Variants in PAK5 observed in about 807,000 individuals in gnomAD.
The protein encoded by PAK5 is p21 (RAC1) activated kinase 5.
PAK5 carries 16 observed loss-of-function variants against 65.9 expected under a neutral mutation model. That is an observed-to-expected ratio of 0.24 (90% CI 0.16 to 0.37). The LOEUF is 0.37. Among genes scored for constraint, PAK5 ranks in the 10% least tolerant of loss-of-function variants. The pLI, the probability that PAK5 is intolerant of heterozygous loss-of-function variation, is 1.00. For synonymous variants in PAK5, 371 were observed against 354.9 expected, an observed-to-expected ratio of 1.05 and a Z score of -0.51; for missense variants, 785 against 903.9, an observed-to-expected ratio of 0.87 and a Z score of 1.69.
intron 3 of PAK5, among the ~76,000 whole-genome samples, chr20:9,643,412 T>C (rs2047094277): frequency 6.6e-6 from 1 of 152,250 alleles, no homozygotes; most frequent in Non-Finnish European, 1.5e-5. Flanking sequence ...GTCTGCTTTC[T>C]GCTTACATGT....
chr20:9,629,081 T>C (rs1218674190), intron 3 of PAK5, among the ~76,000 whole-genome samples: 2 of 152,092 alleles, frequency 1.3e-5, no homozygotes, highest in African/African-American at 4.8e-5. Context: ...TGTAAGGAAA[T>C]GAATTTTGCG....
intron 3 of PAK5, among the ~76,000 whole-genome samples, chr20:9,589,236 T>A (rs922618689): frequency 1.3e-5 from 2 of 152,232 alleles, no homozygotes; most frequent in African/African-American, 4.8e-5. Flanking sequence ...TTAAACTGTC[T>A]ATCTAAATTC....
At chr20:9,655,043 T>C (rs1054972313) in intron 2 of PAK5, among the ~76,000 whole-genome samples, 5 of 152,126 alleles carry the variant, frequency 3.3e-5, no homozygotes, top group South Asian at 2.1e-4. Context: ...ATTTCTCTCT[T>C]GGGCTATTAC....
At chr20:9,582,791 T>A (rs967839094) in intron 3 of PAK5, among the ~76,000 whole-genome samples, 3 of 152,158 alleles carry the variant, frequency 2.0e-5, no homozygotes, top group Non-Finnish European at 4.4e-5. Context: ...TTTATTTATA[T>A]ATAAGGATGG....
intron 1 of PAK5, among the ~76,000 whole-genome samples, chr20:9,730,683 G>T (rs770814324): frequency 6.6e-6 from 1 of 152,182 alleles, no homozygotes; most frequent in African/African-American, 2.4e-5. Context: ...GACTCCTGTG[G>T]ATTGAAGGCA....
intron 1 of PAK5, among the ~76,000 whole-genome samples, chr20:9,713,327 A>G (rs991994083): frequency 6.6e-6 from 1 of 152,128 alleles, no homozygotes; most frequent in Non-Finnish European, 1.5e-5. Flanking sequence ...ATCACACTCC[A>G]GTTAGAATGG....
intron 1 of PAK5, among the ~76,000 whole-genome samples, chr20:9,734,527 G>T (rs1404810358): frequency 6.7e-6 from 1 of 148,762 alleles, no homozygotes; most frequent in African/African-American, 2.5e-5. Flanking sequence ...GAGAGAAAAA[G>T]ACTGATAGAC....
At chr20:9,806,946 C>T (rs2049240115) in intron 1 of PAK5, among the ~76,000 whole-genome samples, 1 of 152,050 alleles carries the variant, frequency 6.6e-6, no homozygotes, top group African/African-American at 2.4e-5. Flanking sequence ...GAATCCATTT[C>T]CTTGCCTTCT....
intron 1 of PAK5, among the ~76,000 whole-genome samples, chr20:9,759,724 C>T (rs11908202): frequency 0.012 from 1,891 of 152,162 alleles, 44 homozygotes; most frequent in African/African-American, 0.043. Context: ...AAACCCACAA[C>T]GTTTACCCAA....
At chr20:9,779,042 G>A (rs774182807) in intron 1 of PAK5, among the ~76,000 whole-genome samples, 18 of 151,902 alleles carry the variant, frequency 1.2e-4, no homozygotes, top group African/African-American at 9.7e-5. Flanking sequence ...CAGATTTAGC[G>A]TCTCTTTTTT....
At chr20:9,582,717 T>C (rs2046000838) in intron 3 of PAK5, among the ~76,000 whole-genome samples, 1 of 152,092 alleles carries the variant, frequency 6.6e-6, no homozygotes, top group South Asian at 2.1e-4. Flanking sequence ...CTATATAAAG[T>C]AGTTGGAATT....
intron 2 of PAK5, among the ~76,000 whole-genome samples, chr20:9,685,290 T>G (rs543710302): frequency 1.3e-5 from 2 of 152,314 alleles, no homozygotes; most frequent in South Asian, 4.1e-4. Flanking sequence ...TTTGAAGTCC[T>G]AACTTCCAAG....
At chr20:9,794,222 T>C (rs113548804) in intron 1 of PAK5, among the ~76,000 whole-genome samples, 2,484 of 151,930 alleles carry the variant, frequency 0.016, 68 homozygotes, top group African/African-American at 0.049. Context: ...AGATACCTAA[T>C]GCATGTGGGG....
chr20:9,790,451 A>G (rs1211405706), intron 1 of PAK5, among the ~76,000 whole-genome samples: 1 of 152,084 alleles, frequency 6.6e-6, no homozygotes, highest in East Asian at 1.9e-4. Context: ...GGCTGGGGAC[A>G]TTACACAAAG....
At chr20:9,792,945 T>C (rs529855539) in intron 1 of PAK5, among the ~76,000 whole-genome samples, 16 of 152,272 alleles carry the variant, frequency 1.1e-4, no homozygotes, top group South Asian at 8.3e-4. Context: ...GATGCTCGTT[T>C]AGAGAAAAGG....
intron 1 of PAK5, among the ~76,000 whole-genome samples, chr20:9,796,222 T>C (rs1049823657): frequency 1.3e-5 from 2 of 152,066 alleles, no homozygotes; most frequent in African/African-American, 4.8e-5. Context: ...AAAATGAACA[T>C]ATCATTTCAA....
chr20:9,674,168 G>A (rs1457633728), intron 2 of PAK5, among the ~76,000 whole-genome samples: 1 of 152,204 alleles, frequency 6.6e-6, no homozygotes, highest in Non-Finnish European at 1.5e-5. Flanking sequence ...CGGCCTTGCT[G>A]AAGGGAGTAA....
chr20:9,745,153 C>G (rs554652814), intron 1 of PAK5, among the ~76,000 whole-genome samples: 1 of 152,178 alleles, frequency 6.6e-6, no homozygotes, highest in East Asian at 1.9e-4. Flanking sequence ...GACATTGGGG[C>G]TCATTCATTC....
chr20:9,570,291 A>G (rs2045755983), intron 4 of PAK5, among the ~76,000 whole-genome samples: 1 of 152,242 alleles, frequency 6.6e-6, no homozygotes, highest in Admixed American at 6.5e-5. Context: ...GCTAGCATTT[A>G]TTGAAGACAT....
Sources: allele counts gnomAD v4.1 joint callset (sites outside exome capture counted in the v4.1 genomes callset), GRCh38; gene constraint gnomAD v4.1.1; transcripts MANE v1.5; gene names NCBI Gene and HGNC (gene_info 2026-07-23, HGNC 2026-07-21).